KIDINS220: variants seen among roughly 807,000 people sequenced by gnomAD.
The protein encoded by KIDINS220 is kinase D interacting substrate 220.
KIDINS220 carries 63 observed loss-of-function variants against 157.6 expected under a neutral mutation model. The observed-to-expected ratio is 0.40, with a 90% CI of 0.33 to 0.49. The LOEUF (loss-of-function observed/expected upper bound fraction) is 0.49, where lower values mean the gene tolerates loss of function less well. Ranked by LOEUF, KIDINS220 falls within the 20% of genes least tolerant of loss-of-function variation. KIDINS220 has a pLI of 0.66. For missense variants in KIDINS220, 1,772 were observed against 2,171.2 expected (o/e 0.82, Z 3.65); for synonymous variants, 732 against 783.6 (o/e 0.93, Z 1.10).
At chr2:8,785,180 A>G (rs1177829374) in intron 17 of KIDINS220, among the ~76,000 whole-genome samples, 2 of 152,228 alleles carry the variant, frequency 1.3e-5, no homozygotes, top group African/African-American at 4.8e-5. Flanking sequence ...TGATTCAACT[A>G]TATGACATTC....
At chr2:8,807,228 C>T (rs901402183) in intron 6 of KIDINS220, among the ~76,000 whole-genome samples, 1 of 152,186 alleles carries the variant, frequency 6.6e-6, no homozygotes, top group Non-Finnish European at 1.5e-5. Context: ...CTCAAAAGCA[C>T]CTTTCCCTGA....
At position 8,731,966 on chromosome 2, in the gene KIDINS220, G is replaced by A. The variant is rs1359804839; in HGVS notation, c.4070C>T (p.Thr1357Ile). The A allele has an allele frequency of 1.3e-6, 2 of 1,578,644 alleles. No homozygotes were observed. The highest frequency in any genetic ancestry group is 1.7e-6 in the Non-Finnish European group (2 of 1,164,714). ...GGAATTGAGACTCGAAAGACTTGGG[G>A]TTCTGCGAGTTTGTGACTGTGAAGA... ...NLSWQSQTRR[T>I]PSLSSLNSQD... The change falls in exon 30 of 30, where the codon ACC (threonine) becomes ATC (isoleucine). Residue 1357 changes from threonine (T) to isoleucine (I), a missense_variant. By Grantham distance (89) the Thr-to-Ile change is moderately conservative (BLOSUM62 -1). Coordinates refer to ENST00000256707, the MANE Select transcript of KIDINS220 (RefSeq NM_020738.4). The surrounding 1 kb of genome is among the most constrained non-coding windows in gnomAD (Gnocchi z 5.2).
intron 22 of KIDINS220, among the ~76,000 whole-genome samples, chr2:8,768,737 C>T (rs1036236821): frequency 6.6e-6 from 1 of 152,114 alleles, no homozygotes; most frequent in African/African-American, 2.4e-5. Context: ...CAAGCAATAG[C>T]ATCAAAGAAC....
At position 8,790,008 on chromosome 2, in the gene KIDINS220, G is replaced by A; in HGVS notation, c.1493C>T (p.Ser498Leu). Residue 498 changes from serine to leucine, a missense_variant, in exon 14 of 30, where the codon TCA (serine) becomes TTA (leucine). Physicochemically the swap from Ser to Leu is moderately radical, Grantham distance 145. Coordinates refer to ENST00000256707, the MANE Select transcript of KIDINS220 (RefSeq NM_020738.4). Reference sequence around the variant, plus strand: ...CAGGGTAAGAAACACTATGAGCCATGAGAACTGAAAGAGAGGCTCAATCTG... The same window carrying A: ...CAGGGTAAGAAACACTATGAGCCATAAGAACTGAAAGAGAGGCTCAATCTG... The part of the protein sequence containing the change: ...GQQIEPLFQF[S>L]WLIVFLTLLL... The A allele has an allele frequency of 1.9e-6, 3 of 1,611,432 alleles. No homozygotes were observed. Among genetic ancestry groups the A allele is most frequent in the Non-Finnish European group, 1.7e-6 (2 of 1,179,390 alleles).
chr2:8,724,761 G>A (rs1363288056), downstream of KIDINS220: 1 of 152,192 alleles, frequency 6.6e-6, no homozygotes, highest in African/African-American at 2.4e-5. This position sits in a 1 kb window ranked among gnomAD's most constrained non-coding sequence, Gnocchi z 4.6. Flanking sequence ...CGAATAGCTG[G>A]GACTACAGGT....
At chr2:8,828,852 C>A (rs1184582998) in intron 1 of KIDINS220, among the ~76,000 whole-genome samples, 1 of 152,184 alleles carries the variant, frequency 6.6e-6, no homozygotes, top group Admixed American at 6.5e-5. Context: ...TAAGTTGGAG[C>A]AGATAACTTG....
chr2:8,789,124 A>T (rs1187267867), intron 14 of KIDINS220, among the ~76,000 whole-genome samples: 1 of 152,140 alleles, frequency 6.6e-6, no homozygotes, highest in African/African-American at 2.4e-5. Flanking sequence ...CTCTAACAGT[A>T]AATCTATTTC....
downstream of KIDINS220, among the ~76,000 whole-genome samples, chr2:8,727,994 T>C (rs1273735628): frequency 2.6e-5 from 4 of 152,214 alleles, no homozygotes; most frequent in Non-Finnish European, 4.4e-5. Context: ...GGCTTAACAT[T>C]TGATACATTA....
chr2:8,821,093 G>T (rs1677885519), intron 2 of KIDINS220, among the ~76,000 whole-genome samples: 1 of 151,846 alleles, frequency 6.6e-6, no homozygotes, highest in African/African-American at 2.4e-5. Flanking sequence ...GTTCACATAG[G>T]TAAGTGTTTC....
At chr2:8,827,899 C>T (rs1314162828) in intron 1 of KIDINS220, among the ~76,000 whole-genome samples, 2 of 152,120 alleles carry the variant, frequency 1.3e-5, no homozygotes, top group Admixed American at 1.3e-4. Context: ...TGGGCCCCAC[C>T]GTCAGAGATT....
intron 2 of KIDINS220, among the ~76,000 whole-genome samples, chr2:8,819,043 T>C (rs183225605): frequency 6.6e-6 from 1 of 152,342 alleles, no homozygotes; most frequent in Admixed American, 6.5e-5. Flanking sequence ...TGCAAATTCA[T>C]TTAAAGTAAG....
intron 27 of KIDINS220, among the ~76,000 whole-genome samples, chr2:8,735,876 G>C (rs1387703593): frequency 6.6e-6 from 1 of 152,160 alleles, no homozygotes; most frequent in African/African-American, 2.4e-5. Context: ...AGAGCTGAGT[G>C]GGGAGAAAAC....
intron 27 of KIDINS220, among the ~76,000 whole-genome samples, chr2:8,735,218 C>T (rs780941605): frequency 4.6e-5 from 7 of 152,198 alleles, no homozygotes; most frequent in Admixed American, 6.5e-5. Context: ...AGAATGCCCA[C>T]CCACTAATTT....
intron 26 of KIDINS220, among the ~76,000 whole-genome samples, chr2:8,744,166 A>G (rs987412490): frequency 1.8e-4 from 26 of 144,574 alleles, no homozygotes; most frequent in Non-Finnish European, 6.1e-5. Context: ...TTTATAATAT[A>G]TATTATTTAT....
In KIDINS220 at chr2:8,757,515, G is replaced by T. The variant is rs948228713; in HGVS notation, c.3012-5871C>A. 5 of 1,434,298 alleles carry T rather than the reference G, an allele frequency of 3.5e-6. No homozygotes were observed. The East Asian group carries it at 1.0e-4, about 30-fold the overall frequency. The allele number at this position is 1,434,298 out of a possible 1,614,324, so 88.8% of individuals were successfully genotyped here. ...GAGGAGCAGAAGTGACTGTACTGTT[G>T]TTTGCTCTTTAATGTTTCAACTACC... On this transcript the variant is annotated intron_variant, in intron 22 of 29. Transcript: ENST00000256707.
chr2:8,812,420 C>T lies in KIDINS220; in HGVS notation c.479G>A (p.Gly160Asp), dbSNP rs1277318326. 1.3e-6 allele frequency: 2 copies of T among 1,598,766 alleles called. No homozygotes were observed. The highest frequency in any genetic ancestry group is 1.1e-5 in the South Asian group (1 of 88,906). The change falls in exon 6 of 30, where the codon GGT becomes GAT. Residue 160 changes from glycine (G) to aspartate (D), a missense_variant. Gly to Asp is a moderately conservative substitution (Grantham distance 94, BLOSUM62 -1). Transcript: ENST00000256707. The part of the protein sequence containing the change: ...ADIVHLLLQN[G>D]AKVNCSDKYG... ...CTTATCAGAGCAGTTGACTTTAGCA[C>T]CATTTTGCAGTAAAAGATGAACTAT...
chr2:8,739,043 G>A (rs1305865159), intron 26 of KIDINS220, among the ~76,000 whole-genome samples: 1 of 152,164 alleles, frequency 6.6e-6, no homozygotes, highest in East Asian at 1.9e-4. Context: ...GTCAGCTTTG[G>A]AGGGAAAAAT....
Position 8,763,835 on chromosome 2 carries a change from A to G in KIDINS220, c.3011+6835T>C, listed in dbSNP as rs530458008. On this transcript the variant is annotated intron_variant, in intron 22 of 29. Transcript: ENST00000256707. ...AACCTCTATGGAAAACAGTATGGAG[A>G]TTTCCTCAAAGAGCTAAATGCAGAT... is the stretch of plus-strand genomic sequence containing the variant. Among the ~76,000 whole-genome samples the G allele has an allele frequency of 2.6e-5, 4 of 152,298 alleles. No homozygotes were observed. The South Asian group carries it at 6.2e-4, about 24-fold the overall frequency.
chr2:8,747,421 C>G (rs4669335), intron 25 of KIDINS220: 8 of 571,256 alleles, frequency 1.4e-5, no homozygotes, highest in Non-Finnish European at 2.2e-5. Context: ...AAATGTCTTT[C>G]TTAGATTCAA....
Sources: gnomAD v4.1 joint callset for allele counts (sites outside exome capture counted in the v4.1 genomes callset) on GRCh38, gnomAD v4.1.1 for gene constraint, Gnocchi (gnomAD v3.1) non-coding constraint, MANE v1.5 for transcripts, NCBI Gene and HGNC (gene_info 2026-07-23, HGNC 2026-07-21) for gene names.